Variants in CEP85L observed in about 807,000 individuals in gnomAD.
The protein encoded by CEP85L is centrosomal protein 85L.
A neutral mutation model predicts 100.3 loss-of-function variants in CEP85L; 60 were observed. That is an observed-to-expected ratio of 0.60 (90% confidence interval 0.49 to 0.74). The LOEUF is 0.74. Ranked by LOEUF, CEP85L falls within the 30% of genes least tolerant of loss-of-function variation. The probability of loss-of-function intolerance (pLI) is 0.00; values close to 1 mark genes in which losing one functional copy is unlikely to be tolerated. For missense variants in CEP85L, 973 were observed against 936.2 expected (o/e 1.04, Z -0.51); for synonymous variants, 319 against 322.7 (o/e 0.99, Z 0.12).
chr6:118,695,902 G>A (rs1287098142), intron 1 of CEP85L, among the ~76,000 whole-genome samples: 4 of 152,132 alleles, frequency 2.6e-5, no homozygotes, highest in Admixed American at 6.5e-5. Flanking sequence ...ACTGACTTGG[G>A]TGAACCAGAT....
chr6:118,597,335 C>G (rs975080271), intron 2 of CEP85L, among the ~76,000 whole-genome samples: 3 of 152,148 alleles, frequency 2.0e-5, no homozygotes, highest in Non-Finnish European at 4.4e-5. Flanking sequence ...GGATTCTTTT[C>G]CATTAGAATA....
At chr6:118,688,081 G>A (rs986613966) in intron 1 of CEP85L, among the ~76,000 whole-genome samples, 61 of 152,014 alleles carry the variant, frequency 4.0e-4, no homozygotes, top group Non-Finnish European at 7.8e-4. Flanking sequence ...TCTTGGAAGC[G>A]GCCCGTCGCC....
Position 118,651,169 on chromosome 6 carries a change from C to T in CEP85L, c.73+28G>A. The T allele has an allele frequency of 2.0e-6, 3 of 1,486,180 alleles. No individual in the cohort carries two copies. The South Asian group carries it at 3.8e-5, about 19-fold the overall frequency. The allele number at this position is 1,486,180 out of a possible 1,614,324, so 92.1% of individuals were successfully genotyped here. On this transcript the variant is annotated intron_variant, in intron 1 of 12. Transcript: ENST00000368491. ...GCCGCGGTCGGCCGTGACCCCCACC[C>T]CAGCCGGGGCGCTGTCCCGTTCCTT...
At chr6:118,518,938 T>C (rs1776447636) in intron 4 of CEP85L, among the ~76,000 whole-genome samples, 1 of 152,190 alleles carries the variant, frequency 6.6e-6, no homozygotes, top group Admixed American at 6.5e-5. Context: ...GTGTCTTTGT[T>C]CTCATTGGTT....
At chr6:118,511,468 G>A (rs1775966569) in intron 4 of CEP85L, 53 bp from the exon 5 acceptor site, 2 of 1,173,876 alleles carry the variant, frequency 1.7e-6, no homozygotes, top group Non-Finnish European at 2.5e-6. Flanking sequence ...CTAATAGTTA[G>A]AAGAACCTTA....
intron 1 of CEP85L, among the ~76,000 whole-genome samples, chr6:118,696,797 T>C (rs140526748): frequency 1.2e-3 from 189 of 152,310 alleles, no homozygotes; most frequent in African/African-American, 4.4e-3. Context: ...GTTAAAACGT[T>C]CTAAGATAGG....
intron 3 of CEP85L, chr6:118,537,442 T>C (rs1177843508): frequency 3.3e-6 from 3 of 896,598 alleles, no homozygotes; most frequent in Non-Finnish European, 4.0e-6. Context: ...AAAATGCATA[T>C]GACACACTGT....
intron 2 of CEP85L, chr6:118,589,370 T>C (rs1198135958): frequency 4.1e-6 from 1 of 245,544 alleles, no homozygotes; most frequent in African/African-American, 2.3e-5. Context: ...TCAGATGGCT[T>C]TCGGCATGCT....
chr6:118,676,410 T>G (rs951843439), intron 1 of CEP85L, among the ~76,000 whole-genome samples: 1 of 152,216 alleles, frequency 6.6e-6, no homozygotes, highest in African/African-American at 2.4e-5. Flanking sequence ...TTTTTTTAGA[T>G]TCCACATTAT....
intron 5 of CEP85L, chr6:118,501,368 G>A: frequency 5.5e-6 from 2 of 362,300 alleles, no homozygotes; most frequent in South Asian, 4.4e-5. Flanking sequence ...TAGCATGTGT[G>A]CCAGGTGGCA....
intron 2 of CEP85L, among the ~76,000 whole-genome samples, chr6:118,588,769 C>T (rs1359139478): frequency 6.6e-6 from 1 of 152,202 alleles, no homozygotes; most frequent in East Asian, 1.9e-4. Flanking sequence ...TAGAAGCAAT[C>T]AAATTCCAAG....
chr6:118,621,225 T>A (rs912610773), intron 2 of CEP85L, among the ~76,000 whole-genome samples: 1 of 152,126 alleles, frequency 6.6e-6, no homozygotes, highest in Non-Finnish European at 1.5e-5. Flanking sequence ...AAAAACCAAA[T>A]GGTCAGTGGA....
chr6:118,600,355 GT>G lies in CEP85L; in HGVS notation c.232+32097del, dbSNP rs1781713604. ...TGTGTGTGTGTGTGTGTGTGTGTGTGTGTGTGTGTGTGTGTAACGCCATGGA... is the reference window on the plus strand; with the variant it reads ...TGTGTGTGTGTGTGTGTGTGTGTGTGGTGTGTGTGTGTGTAACGCCATGGA... On this transcript the variant is annotated intron_variant, in intron 2 of 12. Coordinates refer to ENST00000368491, the MANE Select transcript of CEP85L (RefSeq NM_001042475.3). 1.3e-4 allele frequency among the ~76,000 whole-genome samples: 18 copies of G among 140,226 alleles called. 3 individuals carry two copies. In the South Asian group the frequency reaches 1.4e-3, roughly 11 times the overall value. 92.0% of individuals were successfully genotyped at this position (140,226 alleles called of 152,430 possible). A position where few individuals can be genotyped will look rare whatever the true frequency, so the allele number is the denominator to read the frequency against.
chr6:118,662,633 T>A (rs1043373549), intron 1 of CEP85L, among the ~76,000 whole-genome samples: 5 of 152,116 alleles, frequency 3.3e-5, no homozygotes, highest in Non-Finnish European at 5.9e-5. Flanking sequence ...AGTTAATTAG[T>A]GGCAGAGTAG....
chr6:118,505,384 T>C (rs1468501327), intron 5 of CEP85L, among the ~76,000 whole-genome samples: 1 of 116,668 alleles, frequency 8.6e-6, no homozygotes, highest in African/African-American at 3.4e-5. Flanking sequence ...GAGGTTGCAG[T>C]GAGCCAAGAT....
chr6:118,623,861 CAGA>C lies in CEP85L; in HGVS notation c.232+8589_232+8591del, dbSNP rs997896679. Among the ~76,000 whole-genome samples the C allele has an allele frequency of 7.2e-5, 11 of 152,326 alleles. No individual in the cohort carries two copies. In the East Asian group the frequency reaches 2.1e-3, roughly 29 times the overall value. On this transcript the variant is annotated intron_variant, in intron 2 of 12. Coordinates refer to ENST00000368491, the MANE Select transcript of CEP85L (RefSeq NM_001042475.3). ...AGAAAAGGGATAGAGCTGTTCCAACCAGAAGATCTAGTAGTGGTCAAGTCCCTC... is the reference window on the plus strand; with the variant it reads ...AGAAAAGGGATAGAGCTGTTCCAACCAGATCTAGTAGTGGTCAAGTCCCTC...
chr6:118,672,814 A>T (rs80048841), intron 1 of CEP85L, among the ~76,000 whole-genome samples: 177 of 136,548 alleles, frequency 1.3e-3, no homozygotes, highest in African/African-American at 4.2e-3. Flanking sequence ...GAGGAAGGAG[A>T]AGGAGGAGGA....
chr6:118,699,175 A>C (rs1260087255), intron 1 of CEP85L, among the ~76,000 whole-genome samples: 2 of 152,160 alleles, frequency 1.3e-5, no homozygotes, highest in Non-Finnish European at 2.9e-5. Context: ...ACCATGGGCC[A>C]GGTGCAGTGG....
Position 118,469,225 on chromosome 6 carries a change from G to T in CEP85L, c.2101C>A (p.Leu701Ile). 6.2e-7 allele frequency: 1 copy of T among 1,614,088 alleles called. No individual in the cohort carries two copies. The highest frequency in any genetic ancestry group is 8.5e-7 in the Non-Finnish European group (1 of 1,179,954). ...AAATCAAATAGTGGCCGTTTGGAAA[G>T]AACTGTCTGCTGCCTAGATTGGTCA... is the stretch of plus-strand genomic sequence containing the variant. ...EPDQSRQQTV[L>I]SKRPLFDLTV... The change falls in exon 12 of 13, where the codon CTT becomes ATT. Residue 701 changes from leucine (L) to isoleucine (I), a missense_variant. This residue lies in a region of CEP85L where 890 missense variants were observed against 844.5 expected (regional missense o/e 1.05). Coordinates refer to ENST00000368491, the MANE Select transcript of CEP85L (RefSeq NM_001042475.3).
Sources: allele counts gnomAD v4.1 joint callset (sites outside exome capture counted in the v4.1 genomes callset), GRCh38; gene constraint gnomAD v4.1.1; regional missense constraint gnomAD v4.1.1; transcripts MANE v1.5; gene names NCBI Gene and HGNC (gene_info 2026-07-23, HGNC 2026-07-21).